Variants in HOXD13 observed in about 807,000 individuals in gnomAD.
The protein encoded by HOXD13 is homeobox D13, also known as homeobox protein Hox-D13.
Under a neutral mutation model 27.3 loss-of-function variants are expected in HOXD13, and 16 were observed. The ratio of observed to expected loss-of-function variants is 0.59; its 90% CI spans 0.40 to 0.89. HOXD13 has a LOEUF of 0.89. Among genes scored for constraint, HOXD13 ranks in the 40% least tolerant of loss-of-function variants. HOXD13 has a pLI of 0.00. For missense variants in HOXD13, 481 were observed against 482.6 expected (o/e 1.00, Z 0.03); for synonymous variants, 241 against 219.0 (o/e 1.10, Z -0.89).
upstream of HOXD13, among the ~76,000 whole-genome samples, chr2:176,089,308 T>G (rs968855041): frequency 6.6e-6 from 1 of 152,252 alleles, no homozygotes; most frequent in Non-Finnish European, 1.5e-5. Flanking sequence ...AACACAGATT[T>G]GGTTAAGAAC....
Position 176,094,779 on chromosome 2 carries a change from C to G in HOXD13, c.*49C>G, listed in dbSNP as rs199549554. ...AGCTTAGAAGCCATTCGGTTGTCTC[C>G]AAAAGGCCTTTGGAAAGACTTGAAT... is the stretch of plus-strand genomic sequence containing the variant. On this transcript the variant is annotated 3_prime_UTR_variant, in exon 2 of 2. Transcript: ENST00000392539. 3 of 1,564,698 alleles carry G rather than the reference C, an allele frequency of 1.9e-6. No individual in the cohort carries two copies. Among genetic ancestry groups the G allele is most frequent in the Non-Finnish European group, 2.6e-6 (3 of 1,135,472 alleles).
rs1465211384 is a variant in HOXD13, at chr2:176,092,725, G to A, written c.-166G>A. Among the ~76,000 whole-genome samples, 1 of 152,156 alleles carries A rather than the reference G, an allele frequency of 6.6e-6. No individual in the cohort carries two copies. The highest frequency in any genetic ancestry group is 2.4e-5 in the African/African-American group (1 of 41,460). On this transcript the variant is annotated 5_prime_UTR_variant, in exon 1 of 2. Coordinates refer to ENST00000392539, the MANE Select transcript of HOXD13 (RefSeq NM_000523.4). ...CGTCCCGCGATGAGCTAACCTGTTG[G>A]AGGGCAGGCGGGCCGGAGGCGGGAG... is the stretch of plus-strand genomic sequence containing the variant.
In HOXD13 at chr2:176,095,342, TGAA is replaced by T; in HGVS notation, c.*615_*617del. 4.4e-6 allele frequency: 1 copy of T among 228,504 alleles called. No homozygotes were observed. The highest frequency in any genetic ancestry group is 8.7e-6 in the Non-Finnish European group (1 of 114,862). 14.2% of individuals were successfully genotyped at this position (228,504 alleles called of 1,614,324 possible). The stretch of plus-strand genomic sequence containing the variant: ...AATAGGGATTGTATCAATATTGAAA[TGAA>T]GACAATCTTTCCAACTTTGGGTGTT... On this transcript the variant is annotated 3_prime_UTR_variant, in exon 2 of 2. Coordinates refer to ENST00000392539, the MANE Select transcript of HOXD13 (RefSeq NM_000523.4).
chr2:176,089,988 C>G (rs546445993), upstream of HOXD13, among the ~76,000 whole-genome samples: 2 of 152,238 alleles, frequency 1.3e-5, no homozygotes, highest in Non-Finnish European at 2.9e-5. Flanking sequence ...AAGTTTAAAC[C>G]TGAATGAAAT....
Position 176,093,057 on chromosome 2 carries a change from GGGCGGC to G in HOXD13, c.177_182del (p.Ala70_Ala71del), listed in dbSNP as rs3832095. ...GTGTTCGCCGGGACGCATTCGGGGC[GGGCGGC>G]GGCGGCGGCAGCGGCGGCTGCGGCG... On this transcript the variant is annotated inframe_deletion, in exon 1 of 2. Coordinates refer to ENST00000392539, the MANE Select transcript of HOXD13 (RefSeq NM_000523.4). 31 of 1,369,808 alleles carry G rather than the reference GGGCGGC, an allele frequency of 2.3e-5. No homozygotes were observed. The highest frequency in any genetic ancestry group is 4.6e-5 in the African/African-American group (3 of 65,270). 84.9% of individuals were successfully genotyped at this position (1,369,808 alleles called of 1,614,324 possible).
At chr2:176,091,112 A>T (rs1055922425), upstream of HOXD13, among the ~76,000 whole-genome samples, 1 of 152,026 alleles carries the variant, frequency 6.6e-6, no homozygotes, top group Non-Finnish European at 1.5e-5. Flanking sequence ...TGAGCCTTTT[A>T]TGGTTACTGC....
upstream of HOXD13, among the ~76,000 whole-genome samples, chr2:176,087,904 C>T (rs530359856): frequency 1.4e-4 from 22 of 152,354 alleles, 1 homozygote; most frequent in Admixed American, 1.2e-3. Context: ...TGAGCAGCAG[C>T]GGGTCCTCTG....
chr2:176,093,028 G>C lies in HOXD13; in HGVS notation c.138G>C (p.Ala46=), dbSNP rs1246124375. Residue 46 remains alanine, a synonymous_variant, in exon 1 of 2, where the codon GCG becomes GCC. Coordinates refer to ENST00000392539, the MANE Select transcript of HOXD13 (RefSeq NM_000523.4). ...GCCAGTGCCGCGGCTTTCTCTCCGC[G>C]CCTGTGTTCGCCGGGACGCATTCGG... ...ASGQCRGFLS[A]PVFAGTHSGR... is the part of the protein sequence containing the mutation. The C allele has an allele frequency of 1.4e-6, 2 of 1,383,334 alleles. No homozygotes were observed. Among genetic ancestry groups the C allele is most frequent in the East Asian group, 3.1e-5 (1 of 32,324 alleles). The allele number at this position is 1,383,334 out of a possible 1,614,324, so 85.7% of individuals were successfully genotyped here. A position where few individuals can be genotyped will look rare whatever the true frequency, so the allele number is the denominator to read the frequency against.
chr2:176,087,521 CT>C, the HOXD13 span, among the ~76,000 whole-genome samples: 1 of 152,246 alleles, frequency 6.6e-6, no homozygotes, highest in Non-Finnish European at 1.5e-5. Flanking sequence ...TTCCAAAGTG[CT>C]GGGATTATAG....
In HOXD13 at chr2:176,093,598, C is replaced by A; in HGVS notation, c.708C>A (p.Asn236Lys). 1 of 1,613,668 alleles carries A rather than the reference C, an allele frequency of 6.2e-7. No homozygotes were observed. Among genetic ancestry groups the A allele is most frequent in the Non-Finnish European group, 8.5e-7 (1 of 1,179,946 alleles). ...GGTACCAGTCCTGGACGCTGGCTAACGGGTGGAACAGCCAGGTGTACTGCA... is the reference window on the plus strand; with the variant it reads ...GGTACCAGTCCTGGACGCTGGCTAAAGGGTGGAACAGCCAGGTGTACTGCA... ...MEGYQSWTLA[N>K]GWNSQVYCTK... Residue 236 changes from asparagine (N) to lysine (K), a missense_variant, in exon 1 of 2, where the codon AAC becomes AAA. Physicochemically the swap from Asn to Lys is moderately conservative, Grantham distance 94. Coordinates refer to ENST00000392539, the MANE Select transcript of HOXD13 (RefSeq NM_000523.4).
In HOXD13 at chr2:176,092,934, A is replaced by G; in HGVS notation, c.44A>G (p.Asp15Gly). The G allele has an allele frequency of 1.5e-6, 2 of 1,326,004 alleles. No homozygotes were observed. Among genetic ancestry groups the G allele is most frequent in the South Asian group, 2.0e-5 (1 of 49,724 alleles). The allele number at this position is 1,326,004 out of a possible 1,614,324, so 82.1% of individuals were successfully genotyped here. A position where few individuals can be genotyped will look rare whatever the true frequency, so the allele number is the denominator to read the frequency against. The change falls in exon 1 of 2, where the codon GAC becomes GGC. Residue 15 changes from aspartate (D) to glycine (G), a missense_variant. Asp to Gly is a moderately conservative substitution (Grantham distance 94, BLOSUM62 -1). Transcript: ENST00000392539. ...GSWDMDGLRA[D>G]GGGAGGAPAS... ...TGGGACATGGACGGGCTGCGGGCAG[A>G]CGGCGGGGGCGCCGGTGGCGCCCCG...
Position 176,093,409 on chromosome 2 carries a change from G to A in HOXD13, c.519G>A (p.Leu173=), listed in dbSNP as rs1179965213. 1.9e-6 allele frequency: 3 copies of A among 1,613,996 alleles called. No individual in the cohort carries two copies. Among genetic ancestry groups the A allele is most frequent in the Middle Eastern group, 1.7e-4 (1 of 6,060 alleles). The change falls in exon 1 of 2, where the codon CTG becomes CTA. Residue 173 remains leucine, a synonymous_variant. Transcript: ENST00000392539. ...PVEKYMDVSG[L]ASSSVPANEV... Reference sequence around the variant, plus strand: ...AGAAGTACATGGACGTGTCAGGCCTGGCGAGCAGCAGCGTACCGGCCAACG... The same window carrying A: ...AGAAGTACATGGACGTGTCAGGCCTAGCGAGCAGCAGCGTACCGGCCAACG...
rs1397989604 is a variant in HOXD13 at position 176,095,815 on chromosome 2, C to A, written c.*1085C>A. ...ACTTTTAAAGTGCTGCATATTTATA[C>A]AATTGAGAGATTATTTTTGTAAATG... On this transcript the variant is annotated 3_prime_UTR_variant, in exon 2 of 2. Transcript: ENST00000392539. The A allele has an allele frequency of 4.7e-6, 1 of 213,256 alleles. No individual in the cohort carries two copies. The highest frequency in any genetic ancestry group is 9.5e-6 in the Non-Finnish European group (1 of 105,598). 13.2% of individuals were successfully genotyped at this position (213,256 alleles called of 1,614,324 possible).
rs761394795 is a variant in HOXD13 at position 176,093,624 on chromosome 2, C to T, written c.734C>T (p.Thr245Ile). 1 of 1,610,058 alleles carries T rather than the reference C, an allele frequency of 6.2e-7. No individual in the cohort carries two copies. The highest frequency in any genetic ancestry group is 1.3e-5 in the African/African-American group (1 of 74,832). The change falls in exon 1 of 2, where the codon ACC becomes ATC. Residue 245 changes from threonine to isoleucine, a missense_variant. Coordinates refer to ENST00000392539, the MANE Select transcript of HOXD13 (RefSeq NM_000523.4). Reference protein sequence around the residue: ...ANGWNSQVYCTKDQPQGSHFW... With the variant: ...ANGWNSQVYCIKDQPQGSHFW... ...GGGTGGAACAGCCAGGTGTACTGCA[C>T]CAAGGACCAGCCACAGGGGTCCCAC...
At chr2:176,091,667 G>T (rs1689321585), upstream of HOXD13, among the ~76,000 whole-genome samples, 1 of 152,170 alleles carries the variant, frequency 6.6e-6, no homozygotes, top group Non-Finnish European at 1.5e-5. Flanking sequence ...CTTGGAACAA[G>T]CGCCCTCTTA....
rs1455236530 is a variant in HOXD13 at position 176,094,777 on chromosome 2, T to C, written c.*47T>C. ...ACAGCTTAGAAGCCATTCGGTTGTC[T>C]CCAAAAGGCCTTTGGAAAGACTTGA... On this transcript the variant is annotated 3_prime_UTR_variant, in exon 2 of 2. Coordinates refer to ENST00000392539, the MANE Select transcript of HOXD13 (RefSeq NM_000523.4). The C allele has an allele frequency of 6.4e-7, 1 of 1,574,322 alleles. No homozygotes were observed. Among genetic ancestry groups the C allele is most frequent in the African/African-American group, 1.3e-5 (1 of 74,232 alleles).
chr2:176,092,790 G>A lies in HOXD13; in HGVS notation c.-101G>A. The A allele has an allele frequency of 1.3e-6, 1 of 769,084 alleles. No homozygotes were observed. The highest frequency in any genetic ancestry group is 6.4e-5 in the South Asian group (1 of 15,622). The allele number at this position is 769,084 out of a possible 1,614,324, so 47.6% of individuals were successfully genotyped here. On this transcript the variant is annotated 5_prime_UTR_variant, in exon 1 of 2. Transcript: ENST00000392539. ...AGAGGGCTAGAGGAAGAGGGCGGGA[G>A]CGAGCGAACCAGAGAGAAAGGAGAG...
chr2:176,095,500 T>G lies in HOXD13; in HGVS notation c.*770T>G, dbSNP rs1032381856. The G allele has an allele frequency of 4.4e-6, 1 of 229,470 alleles. No individual in the cohort carries two copies. Among genetic ancestry groups the G allele is most frequent in the Non-Finnish European group, 8.6e-6 (1 of 115,628 alleles). 14.2% of individuals were successfully genotyped at this position (229,470 alleles called of 1,614,324 possible). The stretch of plus-strand genomic sequence containing the variant: ...TTCTTGAGCTCTCAATGCAGACATT[T>G]AAATGGCTGCAATCAGTAGAGTGAC... On this transcript the variant is annotated 3_prime_UTR_variant, in exon 2 of 2. Coordinates refer to ENST00000392539, the MANE Select transcript of HOXD13 (RefSeq NM_000523.4).
At chr2:176,092,575 C>A (rs1423076186), upstream of HOXD13, among the ~76,000 whole-genome samples, 1 of 152,038 alleles carries the variant, frequency 6.6e-6, no homozygotes, top group African/African-American at 2.4e-5. Flanking sequence ...CCAGGCTCCC[C>A]CGCGTTCCTA....
Sources: gnomAD v4.1 joint callset for allele counts (sites outside exome capture counted in the v4.1 genomes callset) on GRCh38, gnomAD v4.1.1 for gene constraint, MANE v1.5 for transcripts, NCBI Gene and HGNC (gene_info 2026-07-23, HGNC 2026-07-21) for gene names.